MYO1B: variants seen among roughly 807,000 people sequenced by gnomAD.
The protein encoded by MYO1B is unconventional myosin-Ib.
Under a neutral mutation model 159.7 loss-of-function variants are expected in MYO1B, and 72 were observed. The observed-to-expected ratio is 0.45, with a 90% CI of 0.37 to 0.55. MYO1B has a LOEUF of 0.55. Among genes scored for constraint, MYO1B ranks in the 20% least tolerant of loss-of-function variants. MYO1B has a pLI of 0.00. For synonymous variants in MYO1B, 468 were observed against 473.8 expected (o/e 0.99, Z 0.16); for missense variants, 1,062 against 1,364.8 (o/e 0.78, Z 3.50).
At chr2:191,412,120 C>G (rs1012218642) in intron 27 of MYO1B, among the ~76,000 whole-genome samples, 4 of 152,162 alleles carry the variant, frequency 2.6e-5, no homozygotes, top group Non-Finnish European at 5.9e-5. Context: ...CATTGGTTAG[C>G]TGATGTGGCT....
At chr2:191,289,892 G>C (rs1688597170) in intron 2 of MYO1B, among the ~76,000 whole-genome samples, 1 of 152,132 alleles carries the variant, frequency 6.6e-6, no homozygotes, top group African/African-American at 2.4e-5. Flanking sequence ...TTTATATACA[G>C]ACTTGGAAAT....
At chr2:191,390,702 T>C (rs544225047) in intron 18 of MYO1B, among the ~76,000 whole-genome samples, 13 of 152,200 alleles carry the variant, frequency 8.5e-5, no homozygotes, top group African/African-American at 2.9e-4. Flanking sequence ...GGCAATAATA[T>C]TAATTTTTAG....
chr2:191,366,831 T>G (rs575514589), intron 11 of MYO1B, among the ~76,000 whole-genome samples: 1 of 151,966 alleles, frequency 6.6e-6, no homozygotes, highest in South Asian at 2.1e-4. Context: ...TTTGATCAAA[T>G]AGGCCTCCTG....
chr2:191,290,065 A>T (rs554217025), intron 2 of MYO1B, among the ~76,000 whole-genome samples: 1 of 152,344 alleles, frequency 6.6e-6, no homozygotes, highest in East Asian at 1.9e-4. Context: ...CTTGTCATCA[A>T]AAACAGAATA....
chr2:191,266,271 G>A (rs1024430705), intron 1 of MYO1B, among the ~76,000 whole-genome samples: 2 of 152,212 alleles, frequency 1.3e-5, no homozygotes, highest in African/African-American at 2.4e-5. Flanking sequence ...GCATTGGAGA[G>A]GGAGAAATTC....
intron 11 of MYO1B, among the ~76,000 whole-genome samples, chr2:191,369,185 C>T (rs1340125042): frequency 6.6e-6 from 1 of 152,174 alleles, no homozygotes; most frequent in African/African-American, 2.4e-5. Flanking sequence ...CCATCACTCT[C>T]TGATGACTAT....
At chr2:191,355,026 A>G (rs1266188149) in intron 7 of MYO1B, among the ~76,000 whole-genome samples, 1 of 152,254 alleles carries the variant, frequency 6.6e-6, no homozygotes, top group African/African-American at 2.4e-5. Flanking sequence ...GATCAATGGA[A>G]CAATTAGCAA....
intron 13 of MYO1B, among the ~76,000 whole-genome samples, chr2:191,376,313 A>C (rs1005980335): frequency 6.6e-6 from 1 of 152,168 alleles, no homozygotes; most frequent in African/African-American, 2.4e-5. Flanking sequence ...TTACATTCTA[A>C]AAAAAGCAAT....
At chr2:191,369,018 T>A (rs1460077061) in intron 11 of MYO1B, among the ~76,000 whole-genome samples, 5 of 152,060 alleles carry the variant, frequency 3.3e-5, no homozygotes, top group African/African-American at 7.2e-5. Flanking sequence ...AGAAAAAAAA[T>A]TTGCAGATTC....
At chr2:191,321,217 A>G (rs912129805) in intron 3 of MYO1B, among the ~76,000 whole-genome samples, 2 of 152,140 alleles carry the variant, frequency 1.3e-5, no homozygotes, top group Admixed American at 6.6e-5. Context: ...ATCAGCAGAA[A>G]CCATTCTTTT....
At chr2:191,409,338 A>G (rs1334630590) in intron 26 of MYO1B, among the ~76,000 whole-genome samples, 160 bp downstream of exon 26, 1 of 152,202 alleles carries the variant, frequency 6.6e-6, no homozygotes, top group Non-Finnish European at 1.5e-5. Flanking sequence ...TTGAGTTTCT[A>G]CGAGAGCCCC....
chr2:191,293,666 C>T (rs190717381), intron 2 of MYO1B, among the ~76,000 whole-genome samples: 194 of 152,220 alleles, frequency 1.3e-3, no homozygotes, highest in African/African-American at 4.4e-3. Flanking sequence ...CAGAAGTGTT[C>T]TCATCACCAT....
intron 24 of MYO1B, among the ~76,000 whole-genome samples, chr2:191,403,870 GT>G (rs1696755375): frequency 6.6e-6 from 1 of 151,972 alleles, no homozygotes; most frequent in South Asian, 2.1e-4. Context: ...CACATCTTTA[GT>G]TTTCTGGGTT....
chr2:191,311,152 A>G (rs1418107023), intron 3 of MYO1B, among the ~76,000 whole-genome samples: 2 of 152,190 alleles, frequency 1.3e-5, no homozygotes, highest in Non-Finnish European at 2.9e-5. Flanking sequence ...TTACAGTAGG[A>G]ACTTCCTAAG....
chr2:191,380,213 C>T (rs1187432611), intron 13 of MYO1B, among the ~76,000 whole-genome samples: 1 of 152,214 alleles, frequency 6.6e-6, no homozygotes, highest in Admixed American at 6.5e-5. Context: ...GCATAAGTAT[C>T]ATTTTTAAGT....
At chr2:191,311,938 A>C (rs1690024628) in intron 3 of MYO1B, among the ~76,000 whole-genome samples, 1 of 152,218 alleles carries the variant, frequency 6.6e-6, no homozygotes, top group African/African-American at 2.4e-5. Context: ...CACTTTGAAC[A>C]TTTGCCTCCT....
chr2:191,411,201 T>C (rs1697231137), intron 27 of MYO1B, 29 bp downstream of exon 27: 6 of 1,424,144 alleles, frequency 4.2e-6, no homozygotes, highest in Non-Finnish European at 4.8e-6. Flanking sequence ...ACCCATAAAA[T>C]TCAGGATTAT....
At chr2:191,286,507 G>A (rs1688382808) in intron 2 of MYO1B, among the ~76,000 whole-genome samples, 1 of 152,152 alleles carries the variant, frequency 6.6e-6, no homozygotes, top group South Asian at 2.1e-4. Context: ...TGAATAGCAT[G>A]TTGTCATTTT....
chr2:191,349,109 A>G (rs4077255), intron 6 of MYO1B, among the ~76,000 whole-genome samples: 13,780 of 152,230 alleles, frequency 0.091, 2,043 homozygotes, highest in African/African-American at 0.31. Context: ...ATATCCAGTT[A>G]ACCTGTCTCA....
Sources: gnomAD v4.1 joint callset for allele counts (sites outside exome capture counted in the v4.1 genomes callset) on GRCh38, gnomAD v4.1.1 for gene constraint, MANE v1.5 for transcripts, NCBI Gene and HGNC (gene_info 2026-07-23, HGNC 2026-07-21) for gene names.